Variants in STX12 observed in about 807,000 individuals in gnomAD.
STX12 encodes the protein syntaxin-12.
In STX12, 17 loss-of-function variants were observed where a neutral mutation model predicts 42.2. The ratio of observed to expected loss-of-function variants is 0.40; its 90% confidence interval spans 0.28 to 0.60. The LOEUF (loss-of-function observed/expected upper bound fraction) is 0.60, where lower values mean the gene tolerates loss of function less well. Ranked by LOEUF, STX12 falls within the 20% of genes least tolerant of loss-of-function variation. The probability of loss-of-function intolerance (pLI) is 0.39; values close to 1 mark genes in which losing one functional copy is unlikely to be tolerated. For missense variants in STX12, 297 were observed against 330.9 expected, an observed-to-expected ratio of 0.90 and a Z score of 0.79; for synonymous variants, 108 against 116.7, an observed-to-expected ratio of 0.93 and a Z score of 0.48.
intron 6 of STX12, among the ~76,000 whole-genome samples, chr1:27,813,991 C>A (rs756657616): frequency 2.0e-5 from 3 of 152,098 alleles, no homozygotes; most frequent in Admixed American, 2.0e-4. Flanking sequence ...ACCTCCACTT[C>A]CTGGGTTCAA....
chr1:27,787,587 A>T (rs917622501), intron 1 of STX12, among the ~76,000 whole-genome samples: 3 of 151,930 alleles, frequency 2.0e-5, no homozygotes, highest in African/African-American at 7.3e-5. Context: ...TGAGCCTGGG[A>T]GTCGGAGGTT....
chr1:27,780,038 G>A (rs983481405), intron 1 of STX12, among the ~76,000 whole-genome samples: 1 of 151,778 alleles, frequency 6.6e-6, no homozygotes, highest in Non-Finnish European at 1.5e-5. Flanking sequence ...TGATCCGCCC[G>A]CCTTGGCCTC....
At chr1:27,811,214 G>A (rs1048324682) in intron 5 of STX12, among the ~76,000 whole-genome samples, 5 of 149,894 alleles carry the variant, frequency 3.3e-5, no homozygotes, top group East Asian at 2.0e-4. Flanking sequence ...CACTACTCTC[G>A]AGGCTGAGGC....
intron 2 of STX12, among the ~76,000 whole-genome samples, chr1:27,792,597 C>T (rs1360808613): frequency 6.6e-6 from 1 of 151,694 alleles, no homozygotes; most frequent in Non-Finnish European, 1.5e-5. Flanking sequence ...TGTGTTAGCC[C>T]ATTTGGGCTA....
intron 1 of STX12, among the ~76,000 whole-genome samples, chr1:27,778,836 T>C (rs972540298): frequency 2.0e-5 from 3 of 152,118 alleles, no homozygotes; most frequent in African/African-American, 7.2e-5. Context: ...CGTAGTCCAC[T>C]GTAACCTCAA....
Position 27,773,433 on chromosome 1 carries a change from G to A in STX12, c.118+8G>A. ...AGCGGATCAGCCAAGCCAGTGAGCC[G>A]GGGTACCGAGCTGGGGGGCGGGAGC... On this transcript the variant is annotated splice_region_variant and intron_variant, in intron 1 of 8. Transcript: ENST00000373943. The A allele has an allele frequency of 2.5e-6, 4 of 1,612,862 alleles. No individual in the cohort carries two copies. Among genetic ancestry groups the A allele is most frequent in the East Asian group, 2.2e-5 (1 of 44,856 alleles).
At chr1:27,820,244 CAGTGT>C (rs2088975407) in intron 8 of STX12, 1 of 152,324 alleles carries the variant, frequency 6.6e-6, no homozygotes, top group South Asian at 2.1e-4. Context: ...GTCTTTATCT[CAGTGT>C]ACAAATAATG....
intron 1 of STX12, among the ~76,000 whole-genome samples, chr1:27,782,949 C>A (rs2088678390): frequency 6.6e-6 from 1 of 152,142 alleles, no homozygotes; most frequent in South Asian, 2.1e-4. Context: ...TTCATAATCA[C>A]CACATAGGCT....
chr1:27,786,975 T>C (rs2088703158), intron 1 of STX12, among the ~76,000 whole-genome samples: 1 of 152,238 alleles, frequency 6.6e-6, no homozygotes. Flanking sequence ...CAGAATGCAG[T>C]AATTATAGTG....
In STX12 at chr1:27,801,711, A is replaced by C; in HGVS notation, c.322A>C (p.Asn108His). The C allele has an allele frequency of 6.4e-7, 1 of 1,569,342 alleles. No individual in the cohort carries two copies. Among genetic ancestry groups the C allele is most frequent in the Non-Finnish European group, 8.6e-7 (1 of 1,164,530 alleles). ...QQRLQKERLMNDFSAALNNFQ... is the reference protein window; with the variant it reads ...QQRLQKERLMHDFSAALNNFQ... ...GAGACTTCAGAAGGAACGCCTCATG[A>C]ATGACTTCTCTGCAGCCTTAAACAA... The change falls in exon 4 of 9, where the codon AAT becomes CAT. Residue 108 changes from asparagine to histidine, a missense_variant. Transcript: ENST00000373943.
At chr1:27,799,428 CTTCATTGCTCTTTGTTCT>C (rs1413464121) in intron 3 of STX12, among the ~76,000 whole-genome samples, 2 of 148,820 alleles carry the variant, frequency 1.3e-5, no homozygotes, top group Non-Finnish European at 2.9e-5. Context: ...GCTCAAAAAT[CTTCATTGCTCTTTGTTCT>C]TTAGAGGTTG....
In STX12 at chr1:27,773,231, G is replaced by C. The variant is rs996690744; in HGVS notation, c.-77G>C. 2 of 956,612 alleles carry C rather than the reference G, an allele frequency of 2.1e-6. No individual in the cohort carries two copies. The highest frequency in any genetic ancestry group is 1.4e-5 in the South Asian group (1 of 69,272). The allele number at this position is 956,612 out of a possible 1,614,324, so 59.3% of individuals were successfully genotyped here. On this transcript the variant is annotated 5_prime_UTR_variant, in exon 1 of 9. Coordinates refer to ENST00000373943, the MANE Select transcript of STX12 (RefSeq NM_177424.3). ...CGCCCTTGCTCTTCCCAGTTTCTCC[G>C]TCAGCCTGCGGGTCCCGGCTGGCGG...
At chr1:27,799,768 T>C (rs2088814698) in intron 3 of STX12, among the ~76,000 whole-genome samples, 1 of 152,072 alleles carries the variant, frequency 6.6e-6, no homozygotes, top group African/African-American at 2.4e-5. Flanking sequence ...GTTTTGTTTT[T>C]TGAGACGGAG....
At chr1:27,813,191 T>C (rs1323396779) in intron 6 of STX12, among the ~76,000 whole-genome samples, 3 of 151,782 alleles carry the variant, frequency 2.0e-5, no homozygotes, top group Non-Finnish European at 4.4e-5. Flanking sequence ...TTTTTTTTTT[T>C]CCGAGACTAA....
chr1:27,798,676 C>T (rs2088804034), intron 3 of STX12, among the ~76,000 whole-genome samples: 1 of 138,444 alleles, frequency 7.2e-6, no homozygotes, highest in Non-Finnish European at 1.5e-5. Context: ...CGCGCCACTG[C>T]ACTGCAGCCT....
At chr1:27,801,839 C>T (rs751601592) in intron 4 of STX12, 24 bp downstream of exon 4, 3 of 1,562,712 alleles carry the variant, frequency 1.9e-6, no homozygotes, top group Non-Finnish European at 1.7e-6. Flanking sequence ...CAAAAGAAGA[C>T]CTTTGCAATA....
At chr1:27,779,953 G>A (rs868429541) in intron 1 of STX12, among the ~76,000 whole-genome samples, 20 of 150,458 alleles carry the variant, frequency 1.3e-4, no homozygotes, top group Admixed American at 2.0e-4. Context: ...CACCACGCCC[G>A]GCTAATTTTG....
chr1:27,815,874 G>A (rs2088937619), intron 6 of STX12, among the ~76,000 whole-genome samples: 1 of 152,116 alleles, frequency 6.6e-6, no homozygotes, highest in African/African-American at 2.4e-5. Context: ...CTGATCATGA[G>A]TCAGAAAAAC....
chr1:27,814,837 C>CAAAAAAAAAAAAAAAAAAAAA (rs34514169), intron 6 of STX12, among the ~76,000 whole-genome samples: 1 of 84,588 alleles, frequency 1.2e-5, no homozygotes, highest in African/African-American at 3.6e-5. Context: ...GACTCTGTCT[C>CAAAAAAAAAAAAAAAAAAAAA]AAAAAAAAAA....
Sources: gnomAD v4.1 joint callset for allele counts (sites outside exome capture counted in the v4.1 genomes callset) on GRCh38, gnomAD v4.1.1 for gene constraint, MANE v1.5 for transcripts, NCBI Gene and HGNC (gene_info 2026-07-23, HGNC 2026-07-21) for gene names.